LRP1B: variants seen among roughly 807,000 people sequenced by gnomAD.
The protein encoded by LRP1B is LDL receptor related protein 1B.
A neutral mutation model predicts 556.6 loss-of-function variants in LRP1B; 217 were observed. The observed-to-expected ratio is 0.39, with a 90% CI of 0.35 to 0.44. The LOEUF (loss-of-function observed/expected upper bound fraction) is 0.44. Ranked by LOEUF, LRP1B falls within the 20% of genes least tolerant of loss-of-function variation. The pLI, the probability that LRP1B is intolerant of heterozygous loss-of-function variation, is 1.00. For synonymous variants in LRP1B, 2,047 were observed against 1,865.8 expected (o/e 1.10, Z -2.50); for missense variants, 5,053 against 5,620.8 (o/e 0.90, Z 3.23).
At chr2:141,069,211 A>G (rs1699566993) in intron 7 of LRP1B, among the ~76,000 whole-genome samples, 1 of 151,980 alleles carries the variant, frequency 6.6e-6, no homozygotes, top group Non-Finnish European at 1.5e-5. Flanking sequence ...TTTTATTATG[A>G]AAGCAAATTC....
chr2:141,680,158 A>G (rs539704102), intron 2 of LRP1B, among the ~76,000 whole-genome samples: 1 of 152,172 alleles, frequency 6.6e-6, no homozygotes, highest in Admixed American at 6.6e-5. Context: ...AAGATATTTC[A>G]TAATATTTTA....
At chr2:140,479,358 A>G (rs1230446151) in intron 59 of LRP1B, among the ~76,000 whole-genome samples, 1 of 152,004 alleles carries the variant, frequency 6.6e-6, no homozygotes, top group Non-Finnish European at 1.5e-5. Flanking sequence ...TGCCGTGAAA[A>G]TGTTGAAAGA....
chr2:141,114,323 C>T (rs1018605117), intron 7 of LRP1B, among the ~76,000 whole-genome samples: 1 of 152,206 alleles, frequency 6.6e-6, no homozygotes, highest in Admixed American at 6.5e-5. Flanking sequence ...TTACACCCTG[C>T]TCTCTTGGTA....
At chr2:140,427,183 C>A (rs570158962) in intron 66 of LRP1B, among the ~76,000 whole-genome samples, 8 of 152,312 alleles carry the variant, frequency 5.3e-5, no homozygotes, top group Non-Finnish European at 1.0e-4. Flanking sequence ...GAGGACACCT[C>A]TCTGATTATT....
At chr2:141,701,382 T>A (rs1558813878) in intron 2 of LRP1B, among the ~76,000 whole-genome samples, 1 of 151,858 alleles carries the variant, frequency 6.6e-6, no homozygotes, top group Non-Finnish European at 1.5e-5. Context: ...CCCTTGTCTG[T>A]ATGATGGACT....
intron 2 of LRP1B, among the ~76,000 whole-genome samples, chr2:141,627,259 A>G (rs1688733672): frequency 6.6e-6 from 1 of 152,250 alleles, no homozygotes; most frequent in Admixed American, 6.5e-5. Context: ...TGAAGACAGT[A>G]AAAAGATCAT....
At chr2:140,430,488 C>T (rs558340329) in intron 66 of LRP1B, among the ~76,000 whole-genome samples, 3 of 152,158 alleles carry the variant, frequency 2.0e-5, no homozygotes, top group Non-Finnish European at 2.9e-5. Flanking sequence ...GGTGTCAGAT[C>T]CCATTGCTCT....
At chr2:141,561,293 CCAGAA>C (rs759058172) in intron 2 of LRP1B, among the ~76,000 whole-genome samples, 4 of 151,688 alleles carry the variant, frequency 2.6e-5, no homozygotes, top group Non-Finnish European at 5.9e-5. Flanking sequence ...ATTAAATATT[CCAGAA>C]CTTAAGCCAA....
chr2:140,887,542 C>A (rs567221013), intron 23 of LRP1B, among the ~76,000 whole-genome samples: 1 of 152,198 alleles, frequency 6.6e-6, no homozygotes, highest in East Asian at 1.9e-4. Context: ...AATGTAAGAG[C>A]AGCAAAAATT....
chr2:140,751,976 T>A (rs1688595207), intron 35 of LRP1B, among the ~76,000 whole-genome samples: 1 of 151,908 alleles, frequency 6.6e-6, no homozygotes, highest in East Asian at 1.9e-4. Flanking sequence ...ATAGACAGCA[T>A]TTTTTTTAGT....
intron 1 of LRP1B, among the ~76,000 whole-genome samples, chr2:142,105,508 T>C (rs76460503): frequency 2.0e-5 from 3 of 152,182 alleles, no homozygotes; most frequent in African/African-American, 7.2e-5. Context: ...AAATCACAGA[T>C]TGAAATGACT....
At chr2:141,654,045 A>G (rs1689902225) in intron 2 of LRP1B, among the ~76,000 whole-genome samples, 1 of 152,136 alleles carries the variant, frequency 6.6e-6, no homozygotes, top group African/African-American at 2.4e-5. Flanking sequence ...AGTAAGCCAA[A>G]ATTCTCATGG....
intron 35 of LRP1B, among the ~76,000 whole-genome samples, chr2:140,751,825 C>G (rs1688590665): frequency 6.6e-6 from 1 of 152,104 alleles, no homozygotes; most frequent in African/African-American, 2.4e-5. Flanking sequence ...ATTCATTTTT[C>G]CTTTCTGAAA....
intron 2 of LRP1B, among the ~76,000 whole-genome samples, chr2:141,715,354 C>G (rs1333579943): frequency 1.3e-5 from 2 of 152,002 alleles, no homozygotes; most frequent in African/African-American, 4.8e-5. Flanking sequence ...GCCTGTTGTT[C>G]CAGCTACTCA....
chr2:141,789,770 G>A (rs1052058761), intron 2 of LRP1B, among the ~76,000 whole-genome samples: 11 of 151,930 alleles, frequency 7.2e-5, no homozygotes, highest in African/African-American at 2.7e-4. Context: ...GGAAACCTGT[G>A]TCAATTTTGC....
chr2:141,212,318 G>A lies in LRP1B; in HGVS notation c.850+16865C>T, dbSNP rs184313840. The stretch of plus-strand genomic sequence containing the variant: ...TTTTGTGACTGAGCCTCACACTGTC[G>A]CCCAGGCTGGAGTGCAGTGGCACCA... On this transcript the variant is annotated intron_variant, in intron 6 of 90. Transcript: ENST00000389484. Among the ~76,000 whole-genome samples the A allele has an allele frequency of 2.2e-4, 25 of 114,128 alleles. No homozygotes were observed. The East Asian group carries it at 3.2e-3, about 15-fold the overall frequency. The allele number at this position is 114,128 out of a possible 152,430, so 74.9% of individuals were successfully genotyped here. A position where few individuals can be genotyped will look rare whatever the true frequency, so the allele number is the denominator to read the frequency against.
chr2:140,987,331 C>T (rs1204935108), intron 17 of LRP1B, among the ~76,000 whole-genome samples: 2 of 151,920 alleles, frequency 1.3e-5, no homozygotes, highest in East Asian at 3.9e-4. Context: ...CCTAGTAGAC[C>T]ACAGGACTTG....
At chr2:141,050,925 C>T (rs562757004) in intron 10 of LRP1B, among the ~76,000 whole-genome samples, 14 of 119,362 alleles carry the variant, frequency 1.2e-4, no homozygotes, top group Admixed American at 2.0e-4. Flanking sequence ...GGAACTTAAA[C>T]ACATTTACAA....
intron 3 of LRP1B, among the ~76,000 whole-genome samples, chr2:141,359,137 A>G (rs1688728155): frequency 6.6e-6 from 1 of 152,036 alleles, no homozygotes. Context: ...AGGCAAAAAT[A>G]TAGCATAAAG....
Sources: allele counts gnomAD v4.1 joint callset (sites outside exome capture counted in the v4.1 genomes callset), GRCh38; gene constraint gnomAD v4.1.1; transcripts MANE v1.5; gene names NCBI Gene and HGNC (gene_info 2026-07-23, HGNC 2026-07-21).